The following BIRC6 variants were observed in gnomAD, a reference collection of about 807,000 sequenced individuals.
BIRC6 encodes the protein dual E2 ubiquitin-conjugating enzyme/E3 ubiquitin-protein ligase BIRC6.
Under a neutral mutation model 503.3 loss-of-function variants are expected in BIRC6, and 98 were observed. The observed-to-expected ratio is 0.19, with a 90% confidence interval of 0.17 to 0.23. The LOEUF (loss-of-function observed/expected upper bound fraction) is 0.23. Ranked by LOEUF, BIRC6 falls within the 10% of genes least tolerant of loss-of-function variation. The pLI is 1.00. For missense variants in BIRC6, 5,360 were observed against 5,806.0 expected (o/e 0.92, Z 2.50); for synonymous variants, 2,240 against 2,078.7 (o/e 1.08, Z -2.11).
At chr2:32,520,691 C>T (rs1278701054) in intron 57 of BIRC6, among the ~76,000 whole-genome samples, 1 of 152,134 alleles carries the variant, frequency 6.6e-6, no homozygotes, top group East Asian at 1.9e-4. Context: ...ATAGCGTGCA[C>T]CTGTAGTCCC....
rs557597870 is a variant in BIRC6, at chr2:32,503,255, A to C, written c.9499+19A>C. ...CCCCTCGGTAAGAAAAGTGTTACTA[A>C]ATCTTACTTATGTGAAATTATCTAG... On this transcript the variant is annotated intron_variant, in intron 49 of 73. Transcript: ENST00000421745. 12 of 1,568,308 alleles carry C rather than the reference A, an allele frequency of 7.7e-6. No individual in the cohort carries two copies. The South Asian group carries it at 1.3e-4, about 17-fold the overall frequency.
At chr2:32,483,113 C>T (rs547734500) in intron 39 of BIRC6, among the ~76,000 whole-genome samples, 17 of 151,376 alleles carry the variant, frequency 1.1e-4, no homozygotes, top group Non-Finnish European at 1.3e-4. Flanking sequence ...AGACAGGTTT[C>T]ACCATGTTGG....
intron 5 of BIRC6, among the ~76,000 whole-genome samples, chr2:32,393,946 C>CTATATATATATATA: frequency 6.9e-6 from 1 of 145,608 alleles, no homozygotes; most frequent in African/African-American, 2.5e-5. Flanking sequence ...AACCAGAAAA[C>CTATATATATATATA]TATATATATA....
At chr2:32,534,667 G>T (rs1305704413) in intron 61 of BIRC6, among the ~76,000 whole-genome samples, 1 of 144,180 alleles carries the variant, frequency 6.9e-6, no homozygotes, top group African/African-American at 2.6e-5. Flanking sequence ...GGAGGCAGAG[G>T]CTGCAGTTAA....
chr2:32,400,323 T>A (rs2040456471), intron 6 of BIRC6, among the ~76,000 whole-genome samples: 1 of 151,618 alleles, frequency 6.6e-6, no homozygotes, highest in East Asian at 1.9e-4. Context: ...TAGAGATCTT[T>A]CTGCTTTCAG....
At chr2:32,504,456 A>C (rs975267755) in intron 49 of BIRC6, among the ~76,000 whole-genome samples, 11 of 151,826 alleles carry the variant, frequency 7.2e-5, no homozygotes, top group Non-Finnish European at 1.6e-4. Context: ...TCATGAGGTC[A>C]GGAGATCGAG....
At chr2:32,436,886 CTTTTTTTTT>C (rs35067044) in intron 15 of BIRC6, among the ~76,000 whole-genome samples, 6 of 90,078 alleles carry the variant, frequency 6.7e-5, no homozygotes, top group African/African-American at 1.7e-4. Context: ...TTTGTTTTTT[CTTTTTTTTT>C]TTTTTTTTTT....
In BIRC6 at chr2:32,478,929, G is replaced by A. The variant is rs193074448; in HGVS notation, c.7252+111G>A. 106 of 1,023,316 alleles carry A rather than the reference G, an allele frequency of 1.0e-4. No individual in the cohort carries two copies. In the African/African-American group the frequency reaches 1.7e-3, roughly 16 times the overall value. 63.4% of individuals were successfully genotyped at this position (1,023,316 alleles called of 1,614,324 possible). Reference sequence around the variant, plus strand: ...TAGAGGGATCTTTAACCCCCTAAAAGCATAAAGGTCTGTTTAATCGGTGTG... The same window carrying A: ...TAGAGGGATCTTTAACCCCCTAAAAACATAAAGGTCTGTTTAATCGGTGTG... On this transcript the variant is annotated intron_variant, in intron 36 of 73. Coordinates refer to ENST00000421745, the MANE Select transcript of BIRC6 (RefSeq NM_016252.4).
At chr2:32,447,364 G>A (rs1417166484) in intron 21 of BIRC6, among the ~76,000 whole-genome samples, 2 of 150,856 alleles carry the variant, frequency 1.3e-5, no homozygotes, top group African/African-American at 2.4e-5. Context: ...CGGATGGGGC[G>A]GCTGGCCGGG....
chr2:32,414,671 A>G, intron 9 of BIRC6, 98 bp from the exon 10 acceptor site: 2 of 862,160 alleles, frequency 2.3e-6, no homozygotes, highest in East Asian at 6.7e-5. Context: ...TGTCTCAAAA[A>G]TAAATAAATA....
In BIRC6 at chr2:32,597,986, T is replaced by C. The variant is rs1221982221; in HGVS notation, c.13830+18T>C. 1 of 1,577,920 alleles carries C rather than the reference T, an allele frequency of 6.3e-7. No individual in the cohort carries two copies. Among genetic ancestry groups the C allele is most frequent in the East Asian group, 2.2e-5 (1 of 44,644 alleles). ...TCATGAAGGTAAAAAATAATGATAA[T>C]AAAGCACTCTCCCTTATCTCCTTGG... On this transcript the variant is annotated intron_variant, in intron 69 of 73. Transcript: ENST00000421745.
chr2:32,607,975 C>CAAAAA (rs35242178), intron 72 of BIRC6, among the ~76,000 whole-genome samples: 9 of 51,932 alleles, frequency 1.7e-4, no homozygotes, highest in East Asian at 7.1e-4. Flanking sequence ...ACTCCATCTC[C>CAAAAA]AAAAAAAAAA....
At position 32,599,832 on chromosome 2, in the gene BIRC6, C is replaced by T; in HGVS notation, c.13924C>T (p.Leu4642Phe). The T allele has an allele frequency of 6.2e-7, 1 of 1,613,896 alleles. No individual in the cohort carries two copies. Among genetic ancestry groups the T allele is most frequent in the South Asian group, 1.1e-5 (1 of 91,078 alleles). The change falls in exon 70 of 74, where the codon CTT becomes TTT. Residue 4642 changes from leucine (L) to phenylalanine (F), a missense_variant. By Grantham distance (22) the Leu-to-Phe change is conservative. This residue lies in a region of BIRC6 where 66 missense variants were observed against 113.2 expected (regional missense o/e 0.58). Coordinates refer to ENST00000421745, the MANE Select transcript of BIRC6 (RefSeq NM_016252.4). The stretch of plus-strand genomic sequence containing the variant: ...TCAAGATTATCCCAGTTCACCCCCT[C>T]TTGTGAATCTAGAGACAACTGGTGG... ...FPQDYPSSPPLVNLETTGGHS... is the reference protein window; with the variant it reads ...FPQDYPSSPPFVNLETTGGHS...
At chr2:32,397,698 A>ACG (rs1292999243) in intron 6 of BIRC6, among the ~76,000 whole-genome samples, 91 of 149,324 alleles carry the variant, frequency 6.1e-4, no homozygotes, top group African/African-American at 2.2e-3. Flanking sequence ...ATATGTACAC[A>ACG]CACACACACA....
chr2:32,546,782 CT>C (rs1472421675), intron 63 of BIRC6, among the ~76,000 whole-genome samples: 3 of 151,830 alleles, frequency 2.0e-5, no homozygotes, highest in Admixed American at 6.6e-5. Flanking sequence ...TATAATACCT[CT>C]TTATGAAATT....
Position 32,388,956 on chromosome 2 carries a change from C to A in BIRC6, c.839+13C>A, listed in dbSNP as rs1350754901. On this transcript the variant is annotated intron_variant, in intron 4 of 73. Transcript: ENST00000421745. ...GTTCTGTAGACAGGTATGAACCTTG[C>A]TAACAAAGGTGACAGTGAGATAGAA... 4 of 1,399,756 alleles carry A rather than the reference C, an allele frequency of 2.9e-6. No individual in the cohort carries two copies. The highest frequency in any genetic ancestry group is 2.8e-6 in the Non-Finnish European group (3 of 1,062,782). 86.7% of individuals were successfully genotyped at this position (1,399,756 alleles called of 1,614,324 possible).
chr2:32,585,242 AT>A (rs2060949201), intron 66 of BIRC6, among the ~76,000 whole-genome samples: 1 of 152,164 alleles, frequency 6.6e-6, no homozygotes, highest in Non-Finnish European at 1.5e-5. Flanking sequence ...TTCCATACCG[AT>A]TGTGAGGACT....
At chr2:32,585,314 A>G (rs2060953327) in intron 66 of BIRC6, among the ~76,000 whole-genome samples, 1 of 152,150 alleles carries the variant, frequency 6.6e-6, no homozygotes. Flanking sequence ...CAGATACAAA[A>G]CAAAATTATT....
At chr2:32,468,387 A>G in intron 28 of BIRC6, 50 bp from the exon 29 acceptor site, 1 of 1,401,230 alleles carries the variant, frequency 7.1e-7, no homozygotes, top group Non-Finnish European at 9.7e-7. Context: ...GTACATGTAC[A>G]TAAAGAGGAC....
Sources: allele counts gnomAD v4.1 joint callset (sites outside exome capture counted in the v4.1 genomes callset), GRCh38; gene constraint gnomAD v4.1.1; regional missense constraint gnomAD v4.1.1; transcripts MANE v1.5; gene names NCBI Gene and HGNC (gene_info 2026-07-23, HGNC 2026-07-21).